Variants in ZC3H12B observed in about 807,000 individuals in gnomAD.
The protein encoded by ZC3H12B is zinc finger CCCH-type containing 12B, also known as probable ribonuclease ZC3H12B.
In ZC3H12B, 7 loss-of-function variants were observed where a neutral mutation model predicts 43.9. The observed-to-expected ratio is 0.16, with a 90% CI of 0.09 to 0.30. ZC3H12B has a LOEUF of 0.30. Among genes scored for constraint, ZC3H12B ranks in the 10% least tolerant of loss-of-function variants. The pLI, the probability that ZC3H12B is intolerant of heterozygous loss-of-function variation, is 1.00. For synonymous variants in ZC3H12B, 222 were observed against 241.7 expected (o/e 0.92, Z 0.76); for missense variants, 475 against 670.2 (o/e 0.71, Z 3.22).
At chrX:65,441,894 G>A (rs1433062290) in intron 3 of ZC3H12B, among the ~76,000 whole-genome samples, 2 of 110,330 alleles carry the variant, frequency 1.8e-5, no homozygotes, top group African/African-American at 3.3e-5. Context: ...GGCCCGGGAC[G>A]GGCCCCTCAT....
intron 3 of ZC3H12B, among the ~76,000 whole-genome samples, chrX:65,479,367 ATTTTT>A (rs57725933): frequency 1.1e-5 from 1 of 91,906 alleles, no homozygotes; most frequent in Non-Finnish European, 2.2e-5. Context: ...CACTATTTGT[ATTTTT>A]TTTTTTTTTT....
chrX:65,079,224 G>A, the ZC3H12B span, among the ~76,000 whole-genome samples: 4 of 112,890 alleles, frequency 3.5e-5, no homozygotes, highest in African/African-American at 6.4e-5. Flanking sequence ...CTAGACAGAC[G>A]TCTAAGGTTT....
the ZC3H12B span, among the ~76,000 whole-genome samples, chrX:65,333,555 A>G: frequency 7.1e-5 from 8 of 112,351 alleles, no homozygotes; most frequent in Non-Finnish European, 1.5e-4. Context: ...AAAGCCAAAA[A>G]GATTAATTCA....
At chrX:65,462,174 C>A in intron 3 of ZC3H12B, among the ~76,000 whole-genome samples, 1 of 110,611 alleles carries the variant, frequency 9.0e-6, no homozygotes, top group South Asian at 3.9e-4. Context: ...TATTTAGGTG[C>A]CTATTTCTTC....
the ZC3H12B span, among the ~76,000 whole-genome samples, chrX:65,207,247 T>TACAC: frequency 2.9e-4 from 28 of 95,206 alleles, no homozygotes; most frequent in African/African-American, 1.4e-3. Context: ...TGTGTGTGTA[T>TACAC]ATATACACAC....
the ZC3H12B span, among the ~76,000 whole-genome samples, chrX:65,261,781 T>C: frequency 9.0e-6 from 1 of 110,984 alleles, no homozygotes; most frequent in African/African-American, 3.3e-5. Flanking sequence ...TTATAATACA[T>C]GTAATACCCA....
chrX:65,361,352 A>G, the ZC3H12B span, among the ~76,000 whole-genome samples: 2 of 112,236 alleles, frequency 1.8e-5, no homozygotes, highest in South Asian at 7.4e-4. Flanking sequence ...CAGTCTTTGA[A>G]TTATATTTTT....
chrX:65,327,992 A>G, the ZC3H12B span: 32 of 214,964 alleles, frequency 1.5e-4, no homozygotes, highest in Middle Eastern at 7.4e-4. Flanking sequence ...TGCCTCTCAC[A>G]CAGCTTTACA....
chrX:65,443,407 G>T (rs1051579249), intron 3 of ZC3H12B, among the ~76,000 whole-genome samples: 9 of 111,492 alleles, frequency 8.1e-5, no homozygotes, highest in Admixed American at 4.8e-4. Flanking sequence ...GGCGCTAGAG[G>T]AATTAAAGAC....
At chrX:65,155,282 A>G in the ZC3H12B span, among the ~76,000 whole-genome samples, 6 of 109,652 alleles carry the variant, frequency 5.5e-5, no homozygotes, top group African/African-American at 2.0e-4. Flanking sequence ...TTTAGTCACC[A>G]TGAAAGAATG....
At chrX:65,384,275 A>C (rs1485696049) in intron 2 of ZC3H12B, among the ~76,000 whole-genome samples, 1 of 106,996 alleles carries the variant, frequency 9.3e-6, no homozygotes, top group Non-Finnish European at 1.9e-5. Flanking sequence ...AAGAACAAAA[A>C]ACCAAACACC....
the ZC3H12B span, among the ~76,000 whole-genome samples, chrX:65,257,222 T>TAG: frequency 1.8e-5 from 2 of 111,832 alleles, no homozygotes; most frequent in African/African-American, 6.5e-5. Context: ...ATCAATGATA[T>TAG]ACTGGATTAA....
At chrX:65,165,097 TCAAA>T in the ZC3H12B span, among the ~76,000 whole-genome samples, 20 of 111,787 alleles carry the variant, frequency 1.8e-4, no homozygotes, top group Non-Finnish European at 1.9e-5. Context: ...GTAGAAATTT[TCAAA>T]CAAATAAAAA....
chrX:65,168,598 C>G, the ZC3H12B span, among the ~76,000 whole-genome samples: 2 of 110,630 alleles, frequency 1.8e-5, no homozygotes, highest in Admixed American at 1.9e-4. Context: ...TTGTTTGGAA[C>G]AGTTTCAGAA....
At chrX:65,493,129 G>A (rs1182992475) in intron 1 of ZC3H12B, among the ~76,000 whole-genome samples, 1 of 108,661 alleles carries the variant, frequency 9.2e-6, no homozygotes, top group Non-Finnish European at 1.9e-5. Context: ...ATTATGGGCC[G>A]GGCCTGGTGG....
At chrX:65,174,312 G>T in the ZC3H12B span, among the ~76,000 whole-genome samples, 1 of 112,434 alleles carries the variant, frequency 8.9e-6, no homozygotes, top group South Asian at 3.7e-4. Context: ...CAAAAGTGAC[G>T]TTGTGTAAAA....
At chrX:65,321,048 G>A in the ZC3H12B span, among the ~76,000 whole-genome samples, 1 of 111,266 alleles carries the variant, frequency 9.0e-6, no homozygotes, top group Non-Finnish European at 1.9e-5. Context: ...TTGATGAATG[G>A]GATCTAAACT....
At chrX:65,090,717 C>A in the ZC3H12B span, among the ~76,000 whole-genome samples, 32 of 111,287 alleles carry the variant, frequency 2.9e-4, no homozygotes, top group Admixed American at 3.0e-3. Flanking sequence ...TTTCCTTAGA[C>A]AATCTGAGTG....
At chrX:65,063,827 A>G in the ZC3H12B span, among the ~76,000 whole-genome samples, 1 of 111,797 alleles carries the variant, frequency 8.9e-6, no homozygotes, top group African/African-American at 3.3e-5. Flanking sequence ...TACTGCCTCA[A>G]TTTCAGAACT....
Sources: allele counts gnomAD v4.1 joint callset (sites outside exome capture counted in the v4.1 genomes callset), GRCh38; gene constraint gnomAD v4.1.1; transcripts MANE v1.5; gene names NCBI Gene and HGNC (gene_info 2026-07-23, HGNC 2026-07-21).